The following SATB2 variants were observed in gnomAD, a reference collection of about 807,000 sequenced individuals.
SATB2 encodes the protein DNA-binding protein SATB2.
In SATB2, 1 loss-of-function variant was observed where a neutral mutation model predicts 73.4. The ratio of observed to expected loss-of-function variants is 0.01; its 90% CI spans 0.00 to 0.06. SATB2 has a LOEUF of 0.06. SATB2 is among the 10% of genes least tolerant of loss of function. SATB2 has a pLI of 1.00. For synonymous variants in SATB2, 397 were observed against 367.0 expected (o/e 1.08, Z -0.93); for missense variants, 459 against 945.8 (o/e 0.49, Z 6.75).
chr2:199,274,301 C>G (rs1051929024), intron 10 of SATB2, among the ~76,000 whole-genome samples: 1 of 152,056 alleles, frequency 6.6e-6, no homozygotes, highest in African/African-American at 2.4e-5. Flanking sequence ...CCACCACACA[C>G]TACCCATATG....
intron 7 of SATB2, among the ~76,000 whole-genome samples, chr2:199,345,136 C>G (rs1272043209): frequency 1.3e-5 from 2 of 152,040 alleles, no homozygotes; most frequent in African/African-American, 2.4e-5. Context: ...GCTGCTGCTG[C>G]TGGTGGTGGT....
intron 3 of SATB2, among the ~76,000 whole-genome samples, chr2:199,383,630 G>A (rs1689842345): frequency 6.6e-6 from 1 of 152,128 alleles, no homozygotes; most frequent in South Asian, 2.1e-4. Context: ...TGATAGGCAA[G>A]TAAAAGAAGC....
intron 8 of SATB2, chr2:199,325,608 A>T (rs1048012207): frequency 6.6e-6 from 1 of 152,210 alleles, no homozygotes; most frequent in Non-Finnish European, 1.5e-5. Context: ...ACGTTTTAGC[A>T]TAGCATGTCT....
At chr2:199,467,217 G>C (rs542687629), upstream of SATB2, among the ~76,000 whole-genome samples, 2 of 152,266 alleles carry the variant, frequency 1.3e-5, no homozygotes, top group Non-Finnish European at 2.9e-5. Flanking sequence ...CTTGTTGGCC[G>C]GTGGCTAAGG....
chr2:199,331,924 A>G (rs982614469), intron 7 of SATB2, among the ~76,000 whole-genome samples: 1 of 152,184 alleles, frequency 6.6e-6, no homozygotes, highest in African/African-American at 2.4e-5. Flanking sequence ...AGCCCTTGCC[A>G]CTATGTCATC....
In SATB2 at chr2:199,308,552, A is replaced by T. The variant is rs1199930449; in HGVS notation, c.1740+208T>A. Among the ~76,000 whole-genome samples, 1 of 150,878 alleles carries T rather than the reference A, an allele frequency of 6.6e-6. No homozygotes were observed. Among genetic ancestry groups the T allele is most frequent in the Non-Finnish European group, 1.5e-5 (1 of 67,858 alleles). On this transcript the variant is annotated intron_variant, in intron 10 of 10. Transcript: ENST00000417098. The surrounding 1 kb of genome is among the most constrained non-coding windows in gnomAD (Gnocchi z 4.6). ...GTCATTTTTCTTTGTGTGTGCATAC[A>T]CACACACACACGCACGCACATGCAC...
rs373237669 is a variant in SATB2 at position 199,367,568 on chromosome 2, T to C, written c.700+1037A>G. Among the ~76,000 whole-genome samples, 24 of 152,266 alleles carry C rather than the reference T, an allele frequency of 1.6e-4. No homozygotes were observed. In the East Asian group the frequency reaches 3.7e-3, roughly 23 times the overall value. ...TGTCTCCCCTGAGAAAATCTGCAAG[T>C]AGTAAAAGAAACAAATTCATCCTTT... On this transcript the variant is annotated intron_variant, in intron 6 of 10. Coordinates refer to ENST00000417098, the MANE Select transcript of SATB2 (RefSeq NM_001172509.2).
chr2:199,327,828 T>C (rs1346775771), intron 8 of SATB2, among the ~76,000 whole-genome samples: 1 of 152,192 alleles, frequency 6.6e-6, no homozygotes, highest in Non-Finnish European at 1.5e-5. Context: ...CATCATTTTC[T>C]AAAGGATCAT....
At chr2:199,323,508 C>CACACACACACACACAT (rs372830951) in intron 9 of SATB2, among the ~76,000 whole-genome samples, 21 of 144,356 alleles carry the variant, frequency 1.5e-4, no homozygotes, top group East Asian at 6.3e-4. Context: ...CACACACACA[C>CACACACACACACACAT]ATATATAAAG....
At chr2:199,420,334 C>A (rs990011369) in intron 3 of SATB2, among the ~76,000 whole-genome samples, 2 of 152,178 alleles carry the variant, frequency 1.3e-5, no homozygotes, top group African/African-American at 4.8e-5. Context: ...AATACCCATA[C>A]CACTCCTTTT....
chr2:199,324,686 T>C (rs1574506849), intron 8 of SATB2, among the ~76,000 whole-genome samples: 1 of 152,204 alleles, frequency 6.6e-6, no homozygotes, highest in Non-Finnish European at 1.5e-5. Context: ...TAGAAGTCTG[T>C]ACTTCTTGGG....
chr2:199,351,894 C>T (rs1305074470), intron 6 of SATB2, among the ~76,000 whole-genome samples: 3 of 151,960 alleles, frequency 2.0e-5, no homozygotes, highest in Admixed American at 6.6e-5. Flanking sequence ...GGCTTGAGAC[C>T]GAGTCTCACT....
At chr2:199,377,989 C>T (rs1486657909) in intron 5 of SATB2, among the ~76,000 whole-genome samples, 3 of 152,064 alleles carry the variant, frequency 2.0e-5, no homozygotes, top group Admixed American at 1.3e-4. Flanking sequence ...CTCATTTGAA[C>T]GTCAAGACAA....
intron 6 of SATB2, among the ~76,000 whole-genome samples, chr2:199,364,026 T>A (rs546503631): frequency 2.0e-5 from 3 of 151,932 alleles, no homozygotes; most frequent in African/African-American, 7.2e-5. Context: ...GGACCAGGAG[T>A]TGATTAAAGG....
At chr2:199,398,979 G>A (rs1216470590) in intron 3 of SATB2, among the ~76,000 whole-genome samples, 1 of 152,156 alleles carries the variant, frequency 6.6e-6, no homozygotes, top group Non-Finnish European at 1.5e-5. Context: ...AAAGATACAG[G>A]TAAGATTTAG....
At chr2:199,428,788 T>C (rs1691411269) in intron 3 of SATB2, among the ~76,000 whole-genome samples, 1 of 151,930 alleles carries the variant, frequency 6.6e-6, no homozygotes, top group Non-Finnish European at 1.5e-5. Context: ...TCCCACCACT[T>C]TGGGAGGCTG....
intron 2 of SATB2, among the ~76,000 whole-genome samples, chr2:199,433,912 T>C: frequency 6.6e-6 from 1 of 152,206 alleles, no homozygotes; most frequent in East Asian, 1.9e-4. Context: ...GTAATAAATA[T>C]ATTACTTTTA....
intron 3 of SATB2, among the ~76,000 whole-genome samples, chr2:199,426,213 A>G (rs1691323392): frequency 6.6e-6 from 1 of 152,216 alleles, no homozygotes; most frequent in Admixed American, 6.5e-5. Flanking sequence ...AAAAGTAGAG[A>G]AAAGAGAGAG....
At chr2:199,418,797 A>C (rs1284775425) in intron 3 of SATB2, among the ~76,000 whole-genome samples, 1 of 152,204 alleles carries the variant, frequency 6.6e-6, no homozygotes, top group Admixed American at 6.5e-5. Flanking sequence ...AGAATTCATC[A>C]GGCTGGAATC....
Sources: gnomAD v4.1 joint callset for allele counts (sites outside exome capture counted in the v4.1 genomes callset) on GRCh38, gnomAD v4.1.1 for gene constraint, Gnocchi (gnomAD v3.1) non-coding constraint, MANE v1.5 for transcripts, NCBI Gene and HGNC (gene_info 2026-07-23, HGNC 2026-07-21) for gene names.